The following FBN2 variants were observed in gnomAD, a reference collection of about 807,000 sequenced individuals.
FBN2 encodes fibrillin 2.
Under a neutral mutation model 355.6 loss-of-function variants are expected in FBN2, and 105 were observed. The ratio of observed to expected loss-of-function variants is 0.30; its 90% CI spans 0.25 to 0.35. The LOEUF (loss-of-function observed/expected upper bound fraction) is 0.35, where lower values mean the gene tolerates loss of function less well. FBN2 is among the 10% of genes least tolerant of loss of function. The probability of loss-of-function intolerance (pLI) is 1.00; values close to 1 mark genes in which losing one functional copy is unlikely to be tolerated. For synonymous variants in FBN2, 1,350 were observed against 1,301.2 expected (o/e 1.04, Z -0.81); for missense variants, 3,280 against 3,758.7 (o/e 0.87, Z 3.33).
intron 25 of FBN2, among the ~76,000 whole-genome samples, chr5:128,343,272 A>T (rs918097419): frequency 6.6e-6 from 1 of 152,140 alleles, no homozygotes; most frequent in African/African-American, 2.4e-5. Context: ...CTCAGGCAGC[A>T]CTCCTCAGAC....
chr5:128,393,271 G>A lies in FBN2; in HGVS notation c.1329C>T (p.Ala443=), dbSNP rs1361491917. The change falls in exon 10 of 65, where the codon GCC becomes GCT. Residue 443 remains alanine, a synonymous_variant. Coordinates refer to ENST00000262464, the MANE Select transcript of FBN2 (RefSeq NM_001999.4). ...CATAGCCATTGCCATTGCCACTTGG[G>A]GCAAAGCCATTTCCCCCAGTGCCTC... ...RPGGTGGNGF[A]PSGNGNGYGP... is the part of the protein sequence containing the mutation. The A allele has an allele frequency of 6.2e-7, 1 of 1,613,976 alleles. No homozygotes were observed. The highest frequency in any genetic ancestry group is 8.5e-7 in the Non-Finnish European group (1 of 1,180,014).
chr5:128,439,699 AT>A (rs917021297), intron 7 of FBN2, among the ~76,000 whole-genome samples: 25 of 150,786 alleles, frequency 1.7e-4, no homozygotes, highest in Non-Finnish European at 2.5e-4. Context: ...CTGGTTAGTA[AT>A]TTTTTTTTCT....
intron 5 of FBN2, among the ~76,000 whole-genome samples, chr5:128,465,830 T>C (rs908348640): frequency 3.3e-5 from 5 of 152,222 alleles, no homozygotes; most frequent in African/African-American, 9.6e-5. Flanking sequence ...TCAAGGTTTC[T>C]ATGGACCAGC....
At chr5:128,479,205 G>A (rs928515187) in intron 5 of FBN2, among the ~76,000 whole-genome samples, 4 of 152,042 alleles carry the variant, frequency 2.6e-5, no homozygotes, top group Non-Finnish European at 2.9e-5. Context: ...CTATTTGTAC[G>A]CAATTACAGT....
intron 2 of FBN2, among the ~76,000 whole-genome samples, chr5:128,532,419 G>T (rs896806881): frequency 1.3e-5 from 2 of 152,124 alleles, no homozygotes; most frequent in African/African-American, 4.8e-5. Context: ...AAGTACCTTC[G>T]AATGGGAAGT....
At position 128,311,322 on chromosome 5, in the gene FBN2, G is replaced by C. The variant is rs759015681; in HGVS notation, c.5052C>G (p.Ser1684Arg). ...QCECPQGYYL[S>R]EDTRICEDID... Reference sequence around the variant, plus strand: ...CACCTTCACAGATGCGGGTATCCTCGCTGAGGTAGTAGCCTTGTGGGCACT... The same window carrying C: ...CACCTTCACAGATGCGGGTATCCTCCCTGAGGTAGTAGCCTTGTGGGCACT... Residue 1684 changes from serine (S) to arginine (R), a missense_variant, in exon 39 of 65, where the codon AGC (serine) becomes AGG (arginine). This residue lies in a region of FBN2 where 2,284 missense variants were observed against 2,749.5 expected (regional missense o/e 0.83). Transcript: ENST00000262464. The C allele has an allele frequency of 2.5e-6, 4 of 1,613,938 alleles. No homozygotes were observed. The highest frequency in any genetic ancestry group is 3.4e-6 in the Non-Finnish European group (4 of 1,179,990).
At position 128,312,966 on chromosome 5, in the gene FBN2, A is replaced by T. The variant is rs552299895; in HGVS notation, c.4718-171T>A. Among the ~76,000 whole-genome samples the T allele has an allele frequency of 4.3e-3, 656 of 152,312 alleles. 6 individuals carry two copies. The highest frequency in any genetic ancestry group is 0.013 in the South Asian group (64 of 4,814). ...CTGCTTTTCAGCTTTTTCGAGATTG[A>T]GTCAGAGGAAGCCAATCATGGCAGA... is the stretch of plus-strand genomic sequence containing the variant. On this transcript the variant is annotated intron_variant, in intron 36 of 64. Transcript: ENST00000262464.
Position 128,454,247 on chromosome 5 carries a change from T to C in FBN2, c.827-7641A>G, listed in dbSNP as rs1581311367. 4.6e-5 allele frequency among the ~76,000 whole-genome samples: 7 copies of C among 152,344 alleles called. 1 individual carries two copies. Among genetic ancestry groups the C allele is most frequent in the Admixed American group, 4.6e-4 (7 of 15,306 alleles). ...GTTCCAGGATTTTGTTTTAGAATGA[T>C]GTGTTGTTCTCTATTATTCATTTTC... On this transcript the variant is annotated intron_variant, in intron 6 of 64. Coordinates refer to ENST00000262464, the MANE Select transcript of FBN2 (RefSeq NM_001999.4).
intron 31 of FBN2, among the ~76,000 whole-genome samples, chr5:128,334,415 G>C (rs994938312): frequency 6.6e-6 from 1 of 152,122 alleles, no homozygotes; most frequent in African/African-American, 2.4e-5. Context: ...GTCATACTCA[G>C]AAAGTGACTG....
At chr5:128,351,199 T>C (rs924227006) in intron 20 of FBN2, among the ~76,000 whole-genome samples, 194 bp from the exon 21 acceptor site, 1 of 136,852 alleles carries the variant, frequency 7.3e-6, no homozygotes, top group African/African-American at 2.8e-5. Context: ...CCTGGGAAAA[T>C]AGCAAAACCC....
At chr5:128,280,398 T>C (rs1390538748) in intron 55 of FBN2, 81 bp from the exon 56 acceptor site, 5 of 1,076,848 alleles carry the variant, frequency 4.6e-6, no homozygotes, top group Non-Finnish European at 7.1e-6. Flanking sequence ...GGTTATATCT[T>C]ATTTAACACT....
intron 15 of FBN2, among the ~76,000 whole-genome samples, chr5:128,370,530 G>A (rs1208887103): frequency 6.6e-6 from 1 of 151,930 alleles, no homozygotes; most frequent in Admixed American, 6.5e-5. Context: ...AACTTGTGCT[G>A]CCTCTGCTGT....
intron 36 of FBN2, among the ~76,000 whole-genome samples, chr5:128,315,979 A>T (rs569994219): frequency 6.6e-6 from 1 of 152,320 alleles, no homozygotes; most frequent in African/African-American, 2.4e-5. Flanking sequence ...TCTAGACAAA[A>T]GAGCTGCTCT....
intron 5 of FBN2, among the ~76,000 whole-genome samples, chr5:128,486,978 A>C (rs1755355443): frequency 6.6e-6 from 1 of 152,144 alleles, no homozygotes; most frequent in Non-Finnish European, 1.5e-5. Flanking sequence ...GTTTCTTCTC[A>C]TTCCTCAGGC....
At chr5:128,478,920 T>C (rs899567899) in intron 5 of FBN2, among the ~76,000 whole-genome samples, 1 of 152,220 alleles carries the variant, frequency 6.6e-6, no homozygotes, top group Non-Finnish European at 1.5e-5. Flanking sequence ...TTTTATTCGA[T>C]AGCATTCCTG....
chr5:128,366,499 T>C, intron 16 of FBN2, 69 bp from the exon 17 acceptor site: 1 of 922,000 alleles, frequency 1.1e-6, no homozygotes, highest in South Asian at 1.6e-5. Flanking sequence ...AGTCATTTCA[T>C]AACTCCAAAA....
intron 7 of FBN2, among the ~76,000 whole-genome samples, chr5:128,428,538 T>TA (rs1329045460): frequency 6.6e-6 from 1 of 152,192 alleles, no homozygotes; most frequent in African/African-American, 2.4e-5. Context: ...AGCCCTGGCT[T>TA]ATCACTTTAC....
intron 34 of FBN2, chr5:128,328,048 C>T (rs1750602000): frequency 1.3e-5 from 2 of 155,166 alleles, no homozygotes; most frequent in African/African-American, 2.4e-5. Context: ...TCATATAGTC[C>T]CTATTCATAA....
chr5:128,387,297 T>C (rs922722797), intron 11 of FBN2, among the ~76,000 whole-genome samples: 1 of 152,080 alleles, frequency 6.6e-6, no homozygotes, highest in Non-Finnish European at 1.5e-5. Flanking sequence ...TTCTTTGGGG[T>C]TGTTGGTAAT....
Sources: allele counts gnomAD v4.1 joint callset (sites outside exome capture counted in the v4.1 genomes callset), GRCh38; gene constraint gnomAD v4.1.1; regional missense constraint gnomAD v4.1.1; transcripts MANE v1.5; gene names NCBI Gene and HGNC (gene_info 2026-07-23, HGNC 2026-07-21).